The following SCEL variants were observed in gnomAD, a reference collection of about 807,000 sequenced individuals.
SCEL encodes the protein sciellin.
In SCEL, 113 loss-of-function variants were observed where a neutral mutation model predicts 117.6. That is an observed-to-expected ratio of 0.96 (90% CI 0.83 to 1.12). SCEL has a LOEUF of 1.12. Among genes scored for constraint, SCEL ranks in the 50% most tolerant of loss-of-function variants. The pLI, the probability that SCEL is intolerant of heterozygous loss-of-function variation, is 0.00. For synonymous variants in SCEL, 270 were observed against 256.2 expected (o/e 1.05, Z -0.51); for missense variants, 785 against 810.8 (o/e 0.97, Z 0.39).
At chr13:77,597,630 T>A in intron 13 of SCEL, 41 bp downstream of exon 13, 1 of 1,184,630 alleles carries the variant, frequency 8.4e-7, no homozygotes, top group African/African-American at 1.6e-5. Flanking sequence ...CTGAGTTGCA[T>A]ATTGTGACTT....
At chr13:77,624,845 T>C (rs2089645969) in intron 27 of SCEL, among the ~76,000 whole-genome samples, 1 of 152,200 alleles carries the variant, frequency 6.6e-6, no homozygotes, top group Non-Finnish European at 1.5e-5. Flanking sequence ...ACTTTCCCCC[T>C]GGGGTTCCTT....
intron 12 of SCEL, 136 bp downstream of exon 12, chr13:77,593,709 A>G (rs2087053669): frequency 1.7e-6 from 1 of 603,890 alleles, no homozygotes; most frequent in Non-Finnish European, 2.9e-6. Flanking sequence ...ATAAGAAAGC[A>G]TCAGTTTCTC....
chr13:77,586,209 T>G (rs993102141), intron 9 of SCEL, among the ~76,000 whole-genome samples: 3 of 152,066 alleles, frequency 2.0e-5, no homozygotes, highest in African/African-American at 7.2e-5. Context: ...ATCCTTCCCC[T>G]CCCCGACCAC....
At chr13:77,601,598 T>G (rs1243751919) in intron 15 of SCEL, among the ~76,000 whole-genome samples, 1 of 152,222 alleles carries the variant, frequency 6.6e-6, no homozygotes, top group African/African-American at 2.4e-5. Context: ...TTTACCAAGG[T>G]GACTTCAGAC....
chr13:77,609,047 T>A lies in SCEL; in HGVS notation c.1218-11T>A. On this transcript the variant is annotated splice_polypyrimidine_tract_variant and intron_variant, in intron 20 of 32. Coordinates refer to ENST00000349847, the MANE Select transcript of SCEL (RefSeq NM_144777.3). ...TTTTATTTATGATGTTTTTTGTTTT[T>A]TTGTTTGAAGTTCCAAAGACCTTAA... 6.3e-7 allele frequency: 1 copy of A among 1,576,810 alleles called. No homozygotes were observed.
chr13:77,638,223 G>C (rs528481388), intron 30 of SCEL, among the ~76,000 whole-genome samples: 2 of 152,076 alleles, frequency 1.3e-5, no homozygotes, highest in South Asian at 2.1e-4. Flanking sequence ...GGGTGAACCA[G>C]GTATCAAAAT....
At chr13:77,577,073 C>A (rs2085985488) in intron 9 of SCEL, among the ~76,000 whole-genome samples, 1 of 152,122 alleles carries the variant, frequency 6.6e-6, no homozygotes. Flanking sequence ...AGGATCATGT[C>A]ATCTGCAAAC....
chr13:77,614,951 A>G (rs890751654), intron 24 of SCEL, among the ~76,000 whole-genome samples: 1 of 152,172 alleles, frequency 6.6e-6, no homozygotes, highest in African/African-American at 2.4e-5. Flanking sequence ...CAATCTTATT[A>G]ACAGCAGGCA....
chr13:77,618,154 C>A, intron 27 of SCEL, 94 bp downstream of exon 27: 1 of 916,950 alleles, frequency 1.1e-6, no homozygotes, highest in East Asian at 2.4e-5. Context: ...CCCTTCCTCC[C>A]TTACTCCTTT....
chr13:77,640,799 A>G lies in SCEL; in HGVS notation c.1947+15A>G. 1 of 1,234,138 alleles carries G rather than the reference A, an allele frequency of 8.1e-7. No individual in the cohort carries two copies. Among genetic ancestry groups the G allele is most frequent in the East Asian group, 2.4e-5 (1 of 42,360 alleles). The allele number at this position is 1,234,138 out of a possible 1,614,324, so 76.4% of individuals were successfully genotyped here. ...CTTGCTTTAAGGTAAGGATGTGTTT[A>G]TTTCACTTAATTAAATAAAAAATTG... On this transcript the variant is annotated intron_variant, in intron 31 of 32. Coordinates refer to ENST00000349847, the MANE Select transcript of SCEL (RefSeq NM_144777.3).
Position 77,610,101 on chromosome 13 carries a change from C to T in SCEL, c.1332C>T (p.Asn444=). The T allele has an allele frequency of 6.2e-7, 1 of 1,607,434 alleles. No individual in the cohort carries two copies. Among genetic ancestry groups the T allele is most frequent in the Non-Finnish European group, 8.5e-7 (1 of 1,175,956 alleles). The change falls in exon 22 of 33, where the codon AAC becomes AAT. Residue 444 remains asparagine, a synonymous_variant. Coordinates refer to ENST00000349847, the MANE Select transcript of SCEL (RefSeq NM_144777.3). ...IKVTPERNRT[N]QGNQDLENLI... Reference sequence around the variant, plus strand: ...TGACTCCTGAAAGAAACAGAACTAACCAAGGGTAAGGTTTATGGAACTCTC... The same window carrying T: ...TGACTCCTGAAAGAAACAGAACTAATCAAGGGTAAGGTTTATGGAACTCTC...
chr13:77,617,640 T>A lies in SCEL; in HGVS notation c.1493T>A (p.Ile498Asn). ...LDKLIKVNPE[I>N]FTNNQRNQDL... ...AAACTCATCAAGGTGAATCCTGAAA[T>A]TTTCACAAACAACCAAAGGTAATAA... is the stretch of plus-strand genomic sequence containing the variant. Residue 498 changes from isoleucine (I) to asparagine (N), a missense_variant, in exon 25 of 33, where the codon ATT (isoleucine) becomes AAT (asparagine). Coordinates refer to ENST00000349847, the MANE Select transcript of SCEL (RefSeq NM_144777.3). 1 of 1,598,714 alleles carries A rather than the reference T, an allele frequency of 6.3e-7. No individual in the cohort carries two copies. The highest frequency in any genetic ancestry group is 8.5e-7 in the Non-Finnish European group (1 of 1,171,382).
chr13:77,637,251 C>T (rs113045581), intron 30 of SCEL, 57 bp downstream of exon 30: 134 of 412,202 alleles, frequency 3.3e-4, no homozygotes, highest in Middle Eastern at 1.4e-3. Context: ...CACACACACA[C>T]ATATATATAT....
Position 77,627,985 on chromosome 13 carries a change from A to T in SCEL, c.1667A>T (p.His556Leu). 3 of 1,509,860 alleles carry T rather than the reference A, an allele frequency of 2.0e-6. No homozygotes were observed. The highest frequency in any genetic ancestry group is 2.7e-6 in the Non-Finnish European group (3 of 1,112,362). The allele number at this position is 1,509,860 out of a possible 1,614,324, so 93.5% of individuals were successfully genotyped here. The change falls in exon 28 of 33, where the codon CAT (histidine) becomes CTT (leucine). Residue 556 changes from histidine to leucine, a missense_variant. Transcript: ENST00000349847. ...NLENLIEVNS[H>L]VSENKNGSSN... ...GAAAATTTAATTGAAGTAAATTCTCATGTGTCTGAAAACAAGAATGGAAGG... is the reference window on the plus strand; with the variant it reads ...GAAAATTTAATTGAAGTAAATTCTCTTGTGTCTGAAAACAAGAATGGAAGG...
intron 9 of SCEL, among the ~76,000 whole-genome samples, chr13:77,580,402 T>C (rs528602517): frequency 6.6e-6 from 1 of 152,322 alleles, no homozygotes; most frequent in African/African-American, 2.4e-5. Context: ...TTGCCGGACG[T>C]GAGCCAATGG....
At chr13:77,586,059 CTT>C (rs2154399491) in intron 9 of SCEL, among the ~76,000 whole-genome samples, 1 of 152,278 alleles carries the variant, frequency 6.6e-6, no homozygotes, top group South Asian at 2.1e-4. Flanking sequence ...CCCTTGTGAG[CTT>C]CTCATCTTTG....
intron 1 of SCEL, among the ~76,000 whole-genome samples, chr13:77,546,043 G>A (rs889972539): frequency 3.3e-5 from 5 of 152,180 alleles, no homozygotes; most frequent in East Asian, 1.9e-4. Flanking sequence ...AAAATGAAAC[G>A]TTATCAAGCT....
intron 24 of SCEL, among the ~76,000 whole-genome samples, chr13:77,617,098 A>G (rs2089110433): frequency 6.6e-6 from 1 of 152,134 alleles, no homozygotes; most frequent in Admixed American, 6.6e-5. Context: ...AACTCATTTT[A>G]CTATGAACAG....
intron 9 of SCEL, among the ~76,000 whole-genome samples, chr13:77,573,030 A>C (rs909667467): frequency 4.6e-5 from 7 of 152,210 alleles, no homozygotes; most frequent in Non-Finnish European, 1.0e-4. Flanking sequence ...TTAAGCGACA[A>C]ATGAATATTT....
Sources: gnomAD v4.1 joint callset for allele counts (sites outside exome capture counted in the v4.1 genomes callset) on GRCh38, gnomAD v4.1.1 for gene constraint, MANE v1.5 for transcripts, NCBI Gene and HGNC (gene_info 2026-07-23, HGNC 2026-07-21) for gene names.